CSMD2: variants seen among roughly 807,000 people sequenced by gnomAD.
CSMD2 encodes the protein CUB and sushi domain-containing protein 2.
A neutral mutation model predicts 398.5 loss-of-function variants in CSMD2; 130 were observed. The ratio of observed to expected loss-of-function variants is 0.33; its 90% CI spans 0.28 to 0.38. CSMD2 has a LOEUF of 0.38. Ranked by LOEUF, CSMD2 falls within the 10% of genes least tolerant of loss-of-function variation. The probability of loss-of-function intolerance (pLI) is 1.00; values close to 1 mark genes in which losing one functional copy is unlikely to be tolerated. For missense variants in CSMD2, 3,829 were observed against 4,764.9 expected (o/e 0.80, Z 5.78); for synonymous variants, 1,828 against 1,908.5 (o/e 0.96, Z 1.10).
chr1:33,863,218 C>T (rs1639678777), intron 5 of CSMD2: 1 of 152,172 alleles, frequency 6.6e-6, no homozygotes. Flanking sequence ...CCAAAGGCCC[C>T]CAGAATGACA....
intron 1 of CSMD2, among the ~76,000 whole-genome samples, chr1:34,150,077 T>TC (rs1311016363): frequency 7.3e-6 from 1 of 137,774 alleles, no homozygotes; most frequent in Admixed American, 7.6e-5. Context: ...TTTTTCTTCT[T>TC]TCTTTTTTTT....
At chr1:33,804,658 T>C (rs1292223368) in intron 10 of CSMD2, 2 of 714,140 alleles carry the variant, frequency 2.8e-6, no homozygotes, top group East Asian at 2.7e-5. Flanking sequence ...TCATAAAACA[T>C]ACTGTGAGCT....
chr1:33,664,988 T>G (rs1348379080), intron 25 of CSMD2, among the ~76,000 whole-genome samples: 1 of 152,140 alleles, frequency 6.6e-6, no homozygotes, highest in Non-Finnish European at 1.5e-5. Flanking sequence ...AATATATTCT[T>G]TACGAAAATA....
At chr1:33,835,561 G>A (rs369487577) in intron 6 of CSMD2, among the ~76,000 whole-genome samples, 1,705 of 119,784 alleles carry the variant, frequency 0.014, 48 homozygotes, top group Non-Finnish European at 0.021. Context: ...TAGATGACGA[G>A]TTAGTGGGTG....
intron 3 of CSMD2, among the ~76,000 whole-genome samples, chr1:33,973,603 C>T (rs1462129291): frequency 6.6e-6 from 1 of 152,170 alleles, no homozygotes. Flanking sequence ...TGATTCTTCT[C>T]TTCTCTTTCT....
chr1:33,670,199 C>A (rs1465439272), intron 25 of CSMD2, among the ~76,000 whole-genome samples: 2 of 152,202 alleles, frequency 1.3e-5, no homozygotes, highest in Non-Finnish European at 2.9e-5. Flanking sequence ...CCTCTACAGG[C>A]TCCTGCTCTA....
At chr1:33,553,119 C>A (rs1381349589) in intron 55 of CSMD2, among the ~76,000 whole-genome samples, 1 of 152,096 alleles carries the variant, frequency 6.6e-6, no homozygotes, top group Non-Finnish European at 1.5e-5. Context: ...GTTACAGGTA[C>A]ACCTAGTTTT....
At chr1:33,795,072 G>A (rs1259238465) in intron 10 of CSMD2, among the ~76,000 whole-genome samples, 2 of 151,682 alleles carry the variant, frequency 1.3e-5, no homozygotes, top group African/African-American at 2.4e-5. Flanking sequence ...GAGGCGGGAT[G>A]TGGACCTGTA....
At chr1:34,141,689 T>C (rs543659974) in intron 1 of CSMD2, among the ~76,000 whole-genome samples, 2 of 66,646 alleles carry the variant, frequency 3.0e-5, no homozygotes, top group African/African-American at 6.1e-5. Context: ...GGTGAGCACA[T>C]GGAAAGGACC....
At chr1:34,052,168 T>TGC (rs1653251603) in intron 2 of CSMD2, among the ~76,000 whole-genome samples, 1 of 146,932 alleles carries the variant, frequency 6.8e-6, no homozygotes, top group African/African-American at 2.5e-5. Context: ...AGCATATGTA[T>TGC]ACACACACAC....
intron 3 of CSMD2, among the ~76,000 whole-genome samples, chr1:33,970,185 C>A (rs1015960089): frequency 2.6e-5 from 4 of 151,644 alleles, no homozygotes; most frequent in Admixed American, 1.3e-4. Flanking sequence ...TGCTGGCTGG[C>A]TCCTTAGATG....
Position 33,569,438 on chromosome 1 carries a change from C to T in CSMD2, c.8067G>A (p.Val2689=). 6.2e-7 allele frequency: 1 copy of T among 1,614,188 alleles called. No individual in the cohort carries two copies. The highest frequency in any genetic ancestry group is 8.5e-7 in the Non-Finnish European group (1 of 1,180,034). Residue 2689 remains valine, a synonymous_variant, in exon 52 of 71, where the codon GTG becomes GTA. Transcript: ENST00000373381. ...IFSCNSGYTL[V]GSRVRECMAN... ...CCATGCACTCACGCACCCTGGAGCC[C>T]ACCAGTGTGTATCCGGAATTGCAGG...
chr1:33,590,595 TCACACA>T lies in CSMD2; in HGVS notation c.6857-3433_6857-3428del, dbSNP rs10611040. On this transcript the variant is annotated intron_variant, in intron 44 of 70. Coordinates refer to ENST00000373381, the MANE Select transcript of CSMD2 (RefSeq NM_001281956.2). ...ACAGACACGCCCTCCCTATTTCCCA[TCACACA>T]CACACACACACACACACACACACAC... 4.0e-3 allele frequency among the ~76,000 whole-genome samples: 555 copies of T among 137,724 alleles called. 4 individuals carry two copies. Among genetic ancestry groups the T allele is most frequent in the African/African-American group, 0.012 (412 of 35,478 alleles). The allele number at this position is 137,724 out of a possible 152,430, so 90.4% of individuals were successfully genotyped here.
intron 19 of CSMD2, among the ~76,000 whole-genome samples, chr1:33,720,032 CAG>C (rs776350237): frequency 2.0e-5 from 3 of 152,208 alleles, no homozygotes; most frequent in African/African-American, 4.8e-5. Context: ...TCAAATTTCA[CAG>C]AGTTTTGAGT....
intron 26 of CSMD2, among the ~76,000 whole-genome samples, chr1:33,662,545 A>G (rs1644170375): frequency 6.6e-6 from 1 of 152,036 alleles, no homozygotes; most frequent in African/African-American, 2.4e-5. Flanking sequence ...GCTCCTTGAA[A>G]CACTTTCTTT....
intron 13 of CSMD2, among the ~76,000 whole-genome samples, chr1:33,745,668 C>T (rs1647289754): frequency 6.6e-6 from 1 of 152,148 alleles, no homozygotes; most frequent in African/African-American, 2.4e-5. Context: ...CCCTCCCATG[C>T]AATTCAGCAA....
In CSMD2 at chr1:33,819,715, C is replaced by T. The variant is rs754949051; in HGVS notation, c.1322G>A (p.Arg441Gln). The T allele has an allele frequency of 1.1e-5, 18 of 1,612,998 alleles. No individual in the cohort carries two copies. The highest frequency in any genetic ancestry group is 4.5e-5 in the East Asian group (2 of 44,854). Reference sequence around the variant, plus strand: ...TCCCTTCCCCAGGGCACCCTCACCTCGGCAGACTGGCCTGTGGTCGCTCCA... The same window carrying T: ...TCCCTTCCCCAGGGCACCCTCACCTTGGCAGACTGGCCTGTGGTCGCTCCA... ...AAWSDHRPVC[R>Q]ARMCDAHLRG... The change falls in exon 9 of 71, where the codon CGA becomes CAA. Residue 441 changes from arginine (R) to glutamine (Q), a missense_variant and splice_region_variant. Coordinates refer to ENST00000373381, the MANE Select transcript of CSMD2 (RefSeq NM_001281956.2).
chr1:33,536,247 C>T (rs573784243), intron 62 of CSMD2, among the ~76,000 whole-genome samples: 10 of 151,946 alleles, frequency 6.6e-5, no homozygotes, highest in Non-Finnish European at 1.3e-4. Context: ...TTTCTGAGAC[C>T]GAGTCTCGCT....
At chr1:34,123,524 G>GA (rs60477025) in intron 1 of CSMD2, among the ~76,000 whole-genome samples, 1,562 of 65,018 alleles carry the variant, frequency 0.024, 22 homozygotes, top group African/African-American at 0.055. Flanking sequence ...AAACTTAAAG[G>GA]GGGGGGGTTG....
Sources: allele counts gnomAD v4.1 joint callset (sites outside exome capture counted in the v4.1 genomes callset), GRCh38; gene constraint gnomAD v4.1.1; transcripts MANE v1.5; gene names NCBI Gene and HGNC (gene_info 2026-07-23, HGNC 2026-07-21).